The following LAMA1 variants were observed in gnomAD, a reference collection of about 807,000 sequenced individuals.
The protein encoded by LAMA1 is laminin subunit alpha-1.
In LAMA1, 219 loss-of-function variants were observed where a neutral mutation model predicts 348.7. The ratio of observed to expected loss-of-function variants is 0.63; its 90% CI spans 0.56 to 0.70. The LOEUF is 0.70. LAMA1 is among the 30% of genes least tolerant of loss of function. LAMA1 has a pLI of 0.00. For missense variants in LAMA1, 3,744 were observed against 3,888.0 expected (o/e 0.96, Z 0.99); for synonymous variants, 1,487 against 1,491.0 (o/e 1.00, Z 0.06).
chr18:7,067,855 G>A (rs894418920), intron 3 of LAMA1, among the ~76,000 whole-genome samples: 43 of 141,618 alleles, frequency 3.0e-4, no homozygotes, highest in Non-Finnish European at 8.9e-5. Flanking sequence ...GGTCCTTTTC[G>A]CATTTTTTTT....
chr18:7,019,930 C>T (rs1413696854), intron 19 of LAMA1, among the ~76,000 whole-genome samples: 1 of 151,968 alleles, frequency 6.6e-6, no homozygotes, highest in Non-Finnish European at 1.5e-5. Flanking sequence ...GATCCACCTG[C>T]CTCAGCCTCC....
At chr18:7,072,640 A>G (rs1450191610) in intron 3 of LAMA1, among the ~76,000 whole-genome samples, 1 of 152,226 alleles carries the variant, frequency 6.6e-6, no homozygotes, top group Non-Finnish European at 1.5e-5. Context: ...AAAAAACTTA[A>G]TATGAGCATA....
chr18:6,984,228 T>C (rs532867935), intron 39 of LAMA1, among the ~76,000 whole-genome samples: 2 of 152,330 alleles, frequency 1.3e-5, no homozygotes, highest in East Asian at 3.9e-4. Context: ...TTCTATCTTA[T>C]ACGATTTTTA....
At position 7,013,897 on chromosome 18, in the gene LAMA1, A is replaced by G. The variant is rs2144121323; in HGVS notation, c.3281T>C (p.Leu1094Pro). Residue 1094 changes from leucine (L) to proline (P), a missense_variant, in exon 23 of 63, where the codon CTG (leucine) becomes CCG (proline). By Grantham distance (98) the Leu-to-Pro change is moderately conservative. Around this residue, in one of 3 missense-constraint regions of LAMA1, gnomAD observed 1,529 missense variants for 1,689.4 expected, o/e 0.91. Coordinates refer to ENST00000389658, the MANE Select transcript of LAMA1 (RefSeq NM_005559.4). ...GCAGGCGTCCCCCGACGTCCCCCTC[A>G]GGTCACAGTCACAGGGAACACAGTC... is the stretch of plus-strand genomic sequence containing the variant. ...FPDCVPCDCD[L>P]RGTSGDACNL... The G allele has an allele frequency of 6.2e-7, 1 of 1,613,516 alleles. No individual in the cohort carries two copies.
chr18:7,075,109 G>C (rs1467175355), intron 3 of LAMA1, among the ~76,000 whole-genome samples: 1 of 151,530 alleles, frequency 6.6e-6, no homozygotes, highest in Non-Finnish European at 1.5e-5. Context: ...AACCTCAAGA[G>C]CTGATATTTA....
rs765686720 is a variant in LAMA1 at position 6,976,048 on chromosome 18, G to A, written c.6378C>T (p.Cys2126=). Residue 2126 remains cysteine (C), a synonymous_variant, in exon 45 of 63, where the codon TGC becomes TGT. Coordinates refer to ENST00000389658, the MANE Select transcript of LAMA1 (RefSeq NM_005559.4). ...IKVAVSADRD[C]IRAYQPQISS... is the part of the protein sequence containing the mutation. ...AAATCTGAGGCTGGTAGGCCCGGAT[G>A]CAATCTCTGTCTGCAGACACGGCGA... The A allele has an allele frequency of 2.5e-6, 4 of 1,614,198 alleles. 1 individual carries two copies. In the South Asian group the frequency reaches 3.3e-5, roughly 13 times the overall value.
chr18:7,092,770 G>C (rs1244385339), intron 1 of LAMA1, among the ~76,000 whole-genome samples: 2 of 152,008 alleles, frequency 1.3e-5, no homozygotes, highest in African/African-American at 4.8e-5. Flanking sequence ...CTTAAACCCT[G>C]TTTCTTTTGG....
Position 7,012,102 on chromosome 18 carries a change from C to T in LAMA1, c.3400G>A (p.Glu1134Lys), listed in dbSNP as rs1270105756. The T allele has an allele frequency of 1.2e-6, 2 of 1,613,898 alleles. No individual in the cohort carries two copies. Among genetic ancestry groups the T allele is most frequent in the East Asian group, 2.2e-5 (1 of 44,872 alleles). ...TCTGCGCGGAGAGCGAAGGTGCCCTCTCGACATTCGTTGCACTGAGGACCA... is the reference window on the plus strand; with the variant it reads ...TCTGCGCGGAGAGCGAAGGTGCCCTTTCGACATTCGTTGCACTGAGGACCA... ...VFGPQCNECR[E>K]GTFALRADNP... The change falls in exon 24 of 63, where the codon GAG becomes AAG. Residue 1134 changes from glutamate to lysine, a missense_variant. By Grantham distance (56) the Glu-to-Lys change is moderately conservative (BLOSUM62 1). Transcript: ENST00000389658.
chr18:7,115,843 G>T (rs543613272), intron 1 of LAMA1, among the ~76,000 whole-genome samples: 2 of 96,576 alleles, frequency 2.1e-5, no homozygotes, highest in African/African-American at 6.5e-5. Context: ...ATAGCCGGGC[G>T]TGGTGGCACG....
rs749400822 is a variant in LAMA1, at chr18:6,973,051, T to G, written c.6774+6A>C. The G allele has an allele frequency of 1.2e-6, 2 of 1,614,158 alleles. No homozygotes were observed. The highest frequency in any genetic ancestry group is 4.5e-5 in the East Asian group (2 of 44,884). ...GTCCTGTTCAGAAGAACTTTCGTAA[T>G]GTTACCTTGATTTGTCCTCCAAGAC... On this transcript the variant is annotated splice_donor_region_variant and intron_variant, in intron 47 of 62. Transcript: ENST00000389658.
At chr18:6,956,956 A>G in intron 55 of LAMA1, 191 bp from the exon 56 acceptor site, 1 of 643,342 alleles carries the variant, frequency 1.6e-6, no homozygotes. Flanking sequence ...TCTTGTCTGA[A>G]GCTTCTGCTT....
At chr18:6,999,685 G>C in intron 31 of LAMA1, 47 bp from the exon 32 acceptor site, 1 of 1,488,888 alleles carries the variant, frequency 6.7e-7, no homozygotes, top group Non-Finnish European at 9.2e-7. Flanking sequence ...GTCAATACCA[G>C]CTTCTAACTT....
chr18:7,049,126 G>T lies in LAMA1; in HGVS notation c.720C>A (p.Thr240=). ...RIRTLNADLM[T]LSHREPKELD... is the part of the protein sequence containing the mutation. Reference sequence around the variant, plus strand: ...GTTCTTTAGGTTCCCGGTGGCTAAGGGTCATGAGATCTGCATTGAGCGTTC... The same window carrying T: ...GTTCTTTAGGTTCCCGGTGGCTAAGTGTCATGAGATCTGCATTGAGCGTTC... The change falls in exon 5 of 63, where the codon ACC becomes ACA. Residue 240 remains threonine, a synonymous_variant. Transcript: ENST00000389658. The T allele has an allele frequency of 1.2e-6, 2 of 1,614,062 alleles. No individual in the cohort carries two copies. Among genetic ancestry groups the T allele is most frequent in the African/African-American group, 1.3e-5 (1 of 75,006 alleles).
intron 1 of LAMA1, among the ~76,000 whole-genome samples, chr18:7,109,551 G>A (rs1182081016): frequency 6.6e-6 from 1 of 152,174 alleles, no homozygotes; most frequent in Non-Finnish European, 1.5e-5. Context: ...TTGGTATATT[G>A]CAGCCTGTGC....
chr18:7,087,324 A>G (rs2058221844), intron 1 of LAMA1, among the ~76,000 whole-genome samples: 1 of 152,206 alleles, frequency 6.6e-6, no homozygotes, highest in Non-Finnish European at 1.5e-5. Context: ...GAATGGGTGA[A>G]TAAGGGGTGG....
chr18:7,108,424 G>C (rs929859756), intron 1 of LAMA1, among the ~76,000 whole-genome samples: 2 of 151,806 alleles, frequency 1.3e-5, no homozygotes, highest in Non-Finnish European at 2.9e-5. Flanking sequence ...ACTTTGGGAG[G>C]CTGAGGCAGG....
intron 16 of LAMA1, among the ~76,000 whole-genome samples, chr18:7,029,439 A>T (rs1482865301): frequency 2.0e-5 from 3 of 152,230 alleles, no homozygotes; most frequent in Non-Finnish European, 2.9e-5. Flanking sequence ...ATTTCATTTT[A>T]AAAATATTTG....
intron 10 of LAMA1, among the ~76,000 whole-genome samples, chr18:7,039,400 T>C (rs527888755): frequency 1.1e-4 from 16 of 152,330 alleles, no homozygotes; most frequent in African/African-American, 3.4e-4. Context: ...ATTAATATTG[T>C]AAGGCCAAAT....
intron 9 of LAMA1, among the ~76,000 whole-genome samples, chr18:7,041,406 C>T (rs2058019964): frequency 6.6e-6 from 1 of 151,908 alleles, no homozygotes; most frequent in Non-Finnish European, 1.5e-5. Flanking sequence ...CGTCATCATC[C>T]CCTCACCAGG....
Sources: allele counts gnomAD v4.1 joint callset (sites outside exome capture counted in the v4.1 genomes callset), GRCh38; gene constraint gnomAD v4.1.1; regional missense constraint gnomAD v4.1.1; transcripts MANE v1.5; gene names NCBI Gene and HGNC (gene_info 2026-07-23, HGNC 2026-07-21).